Variants in RAB31 observed in about 807,000 individuals in gnomAD.
RAB31 encodes RAB31, member RAS oncogene family.
In RAB31, 21 loss-of-function variants were observed where a neutral mutation model predicts 25.6. The observed-to-expected ratio is 0.82, with a 90% confidence interval of 0.58 to 1.18. The LOEUF (loss-of-function observed/expected upper bound fraction) is 1.18, where lower values mean the gene tolerates loss of function less well. Ranked by LOEUF, RAB31 falls within the 50% of genes most tolerant of loss-of-function variation. The pLI is 0.00. For synonymous variants in RAB31, 87 were observed against 84.0 expected (o/e 1.04, Z -0.20); for missense variants, 196 against 250.1 (o/e 0.78, Z 1.46).
At chr18:9,826,332 C>T (rs541057453) in intron 5 of RAB31, among the ~76,000 whole-genome samples, 11 of 152,234 alleles carry the variant, frequency 7.2e-5, no homozygotes, top group African/African-American at 2.6e-4. Context: ...GCTGAGATCG[C>T]ACCACTGCAT....
chr18:9,855,305 C>T (rs2068810186), intron 6 of RAB31, among the ~76,000 whole-genome samples: 1 of 152,090 alleles, frequency 6.6e-6, no homozygotes, highest in African/African-American at 2.4e-5. Context: ...AAATCCAAAC[C>T]CTATTAAAAT....
rs2068848842 is a variant in RAB31 at position 9,861,700 on chromosome 18, T to C, written c.*2375T>C. 1 of 152,222 alleles carries C rather than the reference T, an allele frequency of 6.6e-6. No homozygotes were observed. Among genetic ancestry groups the C allele is most frequent in the African/African-American group, 2.4e-5 (1 of 41,442 alleles). 9.4% of individuals were successfully genotyped at this position (152,222 alleles called of 1,614,324 possible). A position where few individuals can be genotyped will look rare whatever the true frequency, so the allele number is the denominator to read the frequency against. On this transcript the variant is annotated 3_prime_UTR_variant, in exon 7 of 7. Coordinates refer to ENST00000578921, the MANE Select transcript of RAB31 (RefSeq NM_006868.4). The stretch of plus-strand genomic sequence containing the variant: ...TGCTAAAAAAAGTCATGTAGTTTCA[T>C]GTAGTGTAGCATCCTTGGCATCGTT...
chr18:9,830,014 A>G (rs542683506), intron 5 of RAB31, among the ~76,000 whole-genome samples: 43 of 150,928 alleles, frequency 2.8e-4, no homozygotes, highest in Admixed American at 2.6e-3. Context: ...AAATATTATT[A>G]TTATTATTAT....
chr18:9,742,204 G>A (rs1431673470), intron 1 of RAB31, among the ~76,000 whole-genome samples: 1 of 152,208 alleles, frequency 6.6e-6, no homozygotes, highest in Non-Finnish European at 1.5e-5. Context: ...GGTGAGGGTT[G>A]GGTAAGAATC....
intron 1 of RAB31, among the ~76,000 whole-genome samples, chr18:9,768,809 T>C (rs2068329594): frequency 6.6e-6 from 1 of 152,224 alleles, no homozygotes; most frequent in Non-Finnish European, 1.5e-5. Context: ...AGGTTTCTTC[T>C]AGGGTTTTGG....
chr18:9,739,544 TAA>T (rs35363534), intron 1 of RAB31, among the ~76,000 whole-genome samples: 109,894 of 148,340 alleles, frequency 0.74, 40,438 homozygotes, highest in East Asian at 0.82. Context: ...TGTAATGTGC[TAA>T]AAAAAAAAAA....
chr18:9,831,251 CTA>C (rs2068676846), intron 5 of RAB31, among the ~76,000 whole-genome samples: 1 of 152,208 alleles, frequency 6.6e-6, no homozygotes, highest in African/African-American at 2.4e-5. Context: ...TGATGCAGAA[CTA>C]TGTTATCTAT....
chr18:9,782,869 A>C (rs2068412193), intron 2 of RAB31, among the ~76,000 whole-genome samples: 1 of 151,966 alleles, frequency 6.6e-6, no homozygotes, highest in Non-Finnish European at 1.5e-5. Flanking sequence ...GCTGTTTTTA[A>C]ATTTTTGTTT....
intron 1 of RAB31, among the ~76,000 whole-genome samples, chr18:9,712,169 A>T (rs1233143178): frequency 6.6e-6 from 1 of 152,228 alleles, no homozygotes; most frequent in Non-Finnish European, 1.5e-5. Flanking sequence ...CCCACATGGG[A>T]TGGATAATGG....
chr18:9,752,284 G>T (rs1237083818), intron 1 of RAB31, among the ~76,000 whole-genome samples: 2 of 152,064 alleles, frequency 1.3e-5, no homozygotes, highest in Admixed American at 1.3e-4. Context: ...GAGTGCAGTG[G>T]TGTGATCTTG....
chr18:9,835,530 G>A (rs2068699831), intron 5 of RAB31, among the ~76,000 whole-genome samples: 1 of 152,158 alleles, frequency 6.6e-6, no homozygotes, highest in Admixed American at 6.5e-5. Context: ...GACACTGCTC[G>A]TTTGAACCTG....
At chr18:9,799,253 C>G (rs1226479924) in intron 3 of RAB31, among the ~76,000 whole-genome samples, 1 of 152,204 alleles carries the variant, frequency 6.6e-6, no homozygotes, top group Non-Finnish European at 1.5e-5. Context: ...AGGAAGAAAG[C>G]TCCGCTCAGT....
chr18:9,719,019 C>T lies in RAB31; in HGVS notation c.39+10575C>T, dbSNP rs931556082. Among the ~76,000 whole-genome samples, 8 of 151,854 alleles carry T rather than the reference C, an allele frequency of 5.3e-5. No homozygotes were observed. The East Asian group carries it at 1.6e-3, about 30-fold the overall frequency. Reference sequence around the variant, plus strand: ...GCATGGTGACTCACGCCTGTAATCCCAGCACTTTGGGAAGCCAAGGATGGT... The same window carrying T: ...GCATGGTGACTCACGCCTGTAATCCTAGCACTTTGGGAAGCCAAGGATGGT... On this transcript the variant is annotated intron_variant, in intron 1 of 6. Coordinates refer to ENST00000578921, the MANE Select transcript of RAB31 (RefSeq NM_006868.4).
At chr18:9,760,162 C>G (rs151124127) in intron 1 of RAB31, among the ~76,000 whole-genome samples, 6 of 58,512 alleles carry the variant, frequency 1.0e-4, no homozygotes, top group East Asian at 1.3e-3. Flanking sequence ...TCTTTCTTTT[C>G]TTTTTGTTTT....
At chr18:9,853,922 GA>G (rs202196705) in intron 6 of RAB31, among the ~76,000 whole-genome samples, 4 of 149,250 alleles carry the variant, frequency 2.7e-5, no homozygotes, top group Non-Finnish European at 4.5e-5. Context: ...GAAGCCTAAT[GA>G]TTTTTTTTAA....
intron 3 of RAB31, among the ~76,000 whole-genome samples, chr18:9,798,109 T>G (rs908817909): frequency 7.2e-5 from 11 of 152,262 alleles, no homozygotes; most frequent in Admixed American, 6.5e-4. Context: ...AAGGCATGAC[T>G]CCACAGTAGG....
chr18:9,818,669 T>C (rs1410312988), intron 5 of RAB31, among the ~76,000 whole-genome samples: 3 of 152,250 alleles, frequency 2.0e-5, no homozygotes, highest in Non-Finnish European at 4.4e-5. Context: ...TTTGTGTGGA[T>C]GTATGTTTTC....
intron 5 of RAB31, among the ~76,000 whole-genome samples, chr18:9,833,768 T>A (rs1284283206): frequency 6.6e-6 from 1 of 152,194 alleles, no homozygotes; most frequent in Non-Finnish European, 1.5e-5. Context: ...ATAAGCCATA[T>A]CTGATCTATG....
intron 5 of RAB31, among the ~76,000 whole-genome samples, chr18:9,835,653 G>C (rs983769968): frequency 6.6e-6 from 1 of 152,190 alleles, no homozygotes; most frequent in Non-Finnish European, 1.5e-5. Flanking sequence ...AAGTGCTTTA[G>C]CTGTAAGTGC....
Sources: gnomAD v4.1 joint callset for allele counts (sites outside exome capture counted in the v4.1 genomes callset) on GRCh38, gnomAD v4.1.1 for gene constraint, MANE v1.5 for transcripts, NCBI Gene and HGNC (gene_info 2026-07-23, HGNC 2026-07-21) for gene names.